Variants in LMNTD1 observed in about 807,000 individuals in gnomAD.
LMNTD1 encodes the protein lamin tail domain-containing protein 1.
LMNTD1 carries 35 observed loss-of-function variants against 50.9 expected under a neutral mutation model. The ratio of observed to expected loss-of-function variants is 0.69; its 90% confidence interval spans 0.53 to 0.91. The LOEUF (loss-of-function observed/expected upper bound fraction) is 0.91, where lower values mean the gene tolerates loss of function less well. Ranked by LOEUF, LMNTD1 falls within the 40% of genes least tolerant of loss-of-function variation. LMNTD1 has a pLI of 0.00. For synonymous variants in LMNTD1, 153 were observed against 161.9 expected (o/e 0.94, Z 0.42); for missense variants, 470 against 475.5 (o/e 0.99, Z 0.11).
chr12:25,483,030 G>A (rs765288680), intron 9 of LMNTD1, among the ~76,000 whole-genome samples: 42 of 151,988 alleles, frequency 2.8e-4, no homozygotes, highest in Non-Finnish European at 4.7e-4. Flanking sequence ...TAACTTTAGG[G>A]TACTTGCTCA....
At chr12:25,598,426 T>A (rs1217883895) in intron 1 of LMNTD1, among the ~76,000 whole-genome samples, 2 of 151,478 alleles carry the variant, frequency 1.3e-5, no homozygotes, top group Non-Finnish European at 2.9e-5. Flanking sequence ...AAATAACTAG[T>A]CCAATGATGC....
At chr12:25,604,691 T>C (rs1287888731) in intron 1 of LMNTD1, among the ~76,000 whole-genome samples, 1 of 152,224 alleles carries the variant, frequency 6.6e-6, no homozygotes, top group African/African-American at 2.4e-5. Flanking sequence ...TCATTTTTTA[T>C]GGCTGCATAG....
chr12:25,577,793 C>T (rs1008523255), intron 1 of LMNTD1, among the ~76,000 whole-genome samples: 43 of 152,088 alleles, frequency 2.8e-4, no homozygotes, highest in Non-Finnish European at 6.2e-4. Flanking sequence ...CAGTTTTTGC[C>T]CATTCAGTAT....
At chr12:25,482,657 T>C (rs1271940895) in intron 9 of LMNTD1, among the ~76,000 whole-genome samples, 2 of 151,980 alleles carry the variant, frequency 1.3e-5, no homozygotes, top group African/African-American at 2.4e-5. Context: ...GTGGTATCCA[T>C]CTTATTTTCA....
At chr12:25,637,820 C>T (rs989268332) in intron 1 of LMNTD1, among the ~76,000 whole-genome samples, 1 of 151,808 alleles carries the variant, frequency 6.6e-6, no homozygotes, top group African/African-American at 2.4e-5. Flanking sequence ...CCAACAAGCA[C>T]ATGAAAATAT....
At chr12:25,521,799 A>C (rs1277985897) in intron 6 of LMNTD1, among the ~76,000 whole-genome samples, 1 of 152,198 alleles carries the variant, frequency 6.6e-6, no homozygotes, top group Non-Finnish European at 1.5e-5. Context: ...CATGGACAAG[A>C]AAACACGTTC....
chr12:25,481,830 G>T (rs554911685), intron 9 of LMNTD1, among the ~76,000 whole-genome samples: 1 of 148,730 alleles, frequency 6.7e-6, no homozygotes, highest in African/African-American at 2.5e-5. Context: ...GTTTACTTAC[G>T]TGAGGTCATC....
chr12:25,646,024 G>A (rs572470577), intron 1 of LMNTD1, among the ~76,000 whole-genome samples: 56 of 152,190 alleles, frequency 3.7e-4, no homozygotes, highest in Middle Eastern at 3.4e-3. Flanking sequence ...TCCTGGGTTG[G>A]TTATTGCATT....
chr12:25,640,965 C>G (rs975043146), intron 1 of LMNTD1, among the ~76,000 whole-genome samples: 4 of 152,172 alleles, frequency 2.6e-5, no homozygotes, highest in Non-Finnish European at 4.4e-5. Flanking sequence ...CCGTGCCCAG[C>G]CAGAAAAGTG....
At chr12:25,481,906 C>CAT (rs1227990607) in intron 9 of LMNTD1, among the ~76,000 whole-genome samples, 6 of 143,992 alleles carry the variant, frequency 4.2e-5, no homozygotes, top group Admixed American at 3.4e-4. Flanking sequence ...CACACACACA[C>CAT]ATATAGTGAA....
intron 7 of LMNTD1, 105 bp from the exon 8 acceptor site, chr12:25,519,072 T>C: frequency 9.4e-7 from 1 of 1,062,192 alleles, no homozygotes; most frequent in Non-Finnish European, 1.4e-6. Flanking sequence ...ACCAAGAGAA[T>C]ATGACTTTTT....
chr12:25,621,802 T>C (rs1946478346), intron 1 of LMNTD1, among the ~76,000 whole-genome samples: 1 of 152,072 alleles, frequency 6.6e-6, no homozygotes, highest in Non-Finnish European at 1.5e-5. Flanking sequence ...GACTAATAAA[T>C]ATGGTCAGCA....
At chr12:25,534,381 T>C (rs892977998) in intron 4 of LMNTD1, among the ~76,000 whole-genome samples, 3 of 152,190 alleles carry the variant, frequency 2.0e-5, no homozygotes, top group African/African-American at 4.8e-5. Context: ...CAAAGAATAG[T>C]GATACTTGAG....
At chr12:25,595,081 A>G (rs1318118951) in intron 1 of LMNTD1, among the ~76,000 whole-genome samples, 1 of 152,170 alleles carries the variant, frequency 6.6e-6, no homozygotes, top group Admixed American at 6.5e-5. Flanking sequence ...CCAAACTTAT[A>G]AAACAATTAC....
chr12:25,504,740 T>A (rs1939625539), intron 8 of LMNTD1, among the ~76,000 whole-genome samples: 1 of 152,202 alleles, frequency 6.6e-6, no homozygotes, highest in Non-Finnish European at 1.5e-5. Context: ...TTAACAAAAA[T>A]GAAGAGTGTT....
chr12:25,527,343 G>A (rs982487867), intron 4 of LMNTD1, among the ~76,000 whole-genome samples: 1 of 151,812 alleles, frequency 6.6e-6, no homozygotes, highest in African/African-American at 2.4e-5. Flanking sequence ...CTGATAAAGT[G>A]ACTGAAGATA....
At chr12:25,607,648 G>A (rs1946144057) in intron 1 of LMNTD1, among the ~76,000 whole-genome samples, 1 of 152,212 alleles carries the variant, frequency 6.6e-6, no homozygotes, top group South Asian at 2.1e-4. Flanking sequence ...GCGGTTTTGA[G>A]TGAGTTTCTT....
chr12:25,500,705 G>A (rs922820242), intron 9 of LMNTD1, among the ~76,000 whole-genome samples: 7 of 152,002 alleles, frequency 4.6e-5, no homozygotes, highest in African/African-American at 1.2e-4. Flanking sequence ...AAGTCTAAAC[G>A]TTCACACGAC....
At chr12:25,576,318 G>A (rs1945017186) in intron 1 of LMNTD1, among the ~76,000 whole-genome samples, 1 of 152,200 alleles carries the variant, frequency 6.6e-6, no homozygotes, top group African/African-American at 2.4e-5. Flanking sequence ...CAGTGTAAAA[G>A]TGTTCTTATT....
Sources: allele counts gnomAD v4.1 joint callset (sites outside exome capture counted in the v4.1 genomes callset), GRCh38; gene constraint gnomAD v4.1.1; transcripts MANE v1.5; gene names NCBI Gene and HGNC (gene_info 2026-07-23, HGNC 2026-07-21).